The following PCSK5 variants were observed in gnomAD, a reference collection of about 807,000 sequenced individuals.
The protein encoded by PCSK5 is proprotein convertase subtilisin/kexin type 5.
In PCSK5, 129 loss-of-function variants were observed where a neutral mutation model predicts 233.2. That is an observed-to-expected ratio of 0.55 (90% CI 0.48 to 0.64). The LOEUF is 0.64. PCSK5 is among the 30% of genes least tolerant of loss of function. The pLI is 0.00. For synonymous variants in PCSK5, 825 were observed against 879.2 expected, an observed-to-expected ratio of 0.94 and a Z score of 1.09; for missense variants, 2,076 against 2,430.1, an observed-to-expected ratio of 0.85 and a Z score of 3.06.
intron 5 of PCSK5, among the ~76,000 whole-genome samples, chr9:76,032,282 G>A (rs1286297538): frequency 1.3e-5 from 2 of 152,300 alleles, no homozygotes; most frequent in East Asian, 3.9e-4. Context: ...TATTCATTAA[G>A]ACGCTGCTTG....
At chr9:76,067,050 T>C (rs2131594190) in intron 5 of PCSK5, among the ~76,000 whole-genome samples, 1 of 152,302 alleles carries the variant, frequency 6.6e-6, no homozygotes, top group East Asian at 1.9e-4. Context: ...AGTCTTGGTG[T>C]TCTTTCTCTG....
intron 8 of PCSK5, 54 bp from the exon 9 acceptor site, chr9:76,107,197 T>C: frequency 1.9e-6 from 2 of 1,042,494 alleles, no homozygotes; most frequent in Non-Finnish European, 2.9e-6. Context: ...TCTTTCTACT[T>C]GCAGGTGACT....
chr9:75,959,916 T>C (rs1400819237), intron 2 of PCSK5, among the ~76,000 whole-genome samples: 1 of 152,208 alleles, frequency 6.6e-6, no homozygotes, highest in Non-Finnish European at 1.5e-5. Context: ...TCTGTGATGG[T>C]TCCACTTAAA....
intron 20 of PCSK5, chr9:76,194,628 C>A: frequency 6.2e-6 from 2 of 324,932 alleles, no homozygotes; most frequent in South Asian, 2.5e-5. Context: ...GAAATATTTT[C>A]ACTGGTTTTC....
chr9:76,183,710 T>G (rs570250657), intron 16 of PCSK5, among the ~76,000 whole-genome samples: 4 of 152,344 alleles, frequency 2.6e-5, no homozygotes, highest in African/African-American at 9.6e-5. Context: ...AGGCTCAGAC[T>G]TGATCCAGCA....
At chr9:76,170,130 A>T (rs770478110) in intron 13 of PCSK5, among the ~76,000 whole-genome samples, 1 of 152,194 alleles carries the variant, frequency 6.6e-6, no homozygotes, top group Non-Finnish European at 1.5e-5. Flanking sequence ...CAGACTTTCT[A>T]TGTCTGTAAA....
chr9:76,230,271 C>G (rs905819427), intron 21 of PCSK5, among the ~76,000 whole-genome samples: 8 of 152,134 alleles, frequency 5.3e-5, no homozygotes, highest in African/African-American at 1.7e-4. Context: ...CATCCTCTTA[C>G]AAAAACTGGA....
At chr9:75,934,241 G>A (rs551916411) in intron 2 of PCSK5, among the ~76,000 whole-genome samples, 1 of 152,238 alleles carries the variant, frequency 6.6e-6, no homozygotes, top group South Asian at 2.1e-4. Flanking sequence ...TCAGAGTAGA[G>A]CCACAACTTA....
At chr9:76,007,721 G>C (rs1010725661) in intron 3 of PCSK5, among the ~76,000 whole-genome samples, 1 of 150,460 alleles carries the variant, frequency 6.6e-6, no homozygotes, top group Non-Finnish European at 1.5e-5. Flanking sequence ...TGACCTCCTG[G>C]GTTCAAGTGA....
rs1227189754 is a variant in PCSK5 at position 76,173,077 on chromosome 9, AT to A, written c.1757-1907del. Among the ~76,000 whole-genome samples, 3 of 152,308 alleles carry A rather than the reference AT, an allele frequency of 2.0e-5. No individual in the cohort carries two copies. In the East Asian group the frequency reaches 5.8e-4, roughly 29 times the overall value. ...TGTTTTAATACCAATCTGTCCTCTT[AT>A]TGCCTTTGAGGAAGTTACCAACCTC... On this transcript the variant is annotated intron_variant, in intron 13 of 37. Transcript: ENST00000674117.
At chr9:76,100,469 C>T (rs1197460573) in intron 8 of PCSK5, among the ~76,000 whole-genome samples, 1 of 152,196 alleles carries the variant, frequency 6.6e-6, no homozygotes, top group Non-Finnish European at 1.5e-5. Context: ...CATGGTGTCC[C>T]CACTTTTTAC....
At position 76,323,227 on chromosome 9, in the gene PCSK5, A is replaced by G; in HGVS notation, c.4278A>G (p.Gly1426=). ...CLESSWVLYD[G]LCLEECPAGT... ...AGAGTTCCTGGGTCCTCTATGATGGACTGTGCTTGGAGGAGTGTCCAGCAG... is the reference window on the plus strand; with the variant it reads ...AGAGTTCCTGGGTCCTCTATGATGGGCTGTGCTTGGAGGAGTGTCCAGCAG... Residue 1426 remains glycine, a synonymous_variant, in exon 32 of 38, where the codon GGA becomes GGG. Transcript: ENST00000674117. The G allele has an allele frequency of 6.2e-7, 1 of 1,612,746 alleles. No individual in the cohort carries two copies. The highest frequency in any genetic ancestry group is 8.5e-7 in the Non-Finnish European group (1 of 1,179,838).
intron 7 of PCSK5, among the ~76,000 whole-genome samples, chr9:76,077,798 A>G (rs896542662): frequency 6.6e-6 from 1 of 152,196 alleles, no homozygotes; most frequent in Non-Finnish European, 1.5e-5. Context: ...TCTTTATCCA[A>G]TCCACCATTG....
At chr9:76,266,480 C>T (rs1170195707) in intron 24 of PCSK5, among the ~76,000 whole-genome samples, 1 of 152,100 alleles carries the variant, frequency 6.6e-6, no homozygotes, top group African/African-American at 2.4e-5. Flanking sequence ...GCCCTTTCAT[C>T]TTTCATAACA....
chr9:76,293,781 C>T (rs969103048), intron 25 of PCSK5, among the ~76,000 whole-genome samples: 3 of 152,188 alleles, frequency 2.0e-5, no homozygotes, highest in African/African-American at 7.2e-5. Flanking sequence ...AAACAAATAC[C>T]CTGGAAGAAC....
intron 20 of PCSK5, among the ~76,000 whole-genome samples, chr9:76,190,079 C>T (rs1354080806): frequency 6.6e-6 from 1 of 152,120 alleles, no homozygotes; most frequent in African/African-American, 2.4e-5. Context: ...TTTCCCCACA[C>T]AGGCATAGCT....
intron 20 of PCSK5, among the ~76,000 whole-genome samples, chr9:76,226,783 T>C (rs1825908089): frequency 2.6e-5 from 4 of 152,282 alleles, no homozygotes; most frequent in Admixed American, 2.6e-4. Context: ...TTTGAGTCTA[T>C]GAGATTTACT....
At chr9:76,091,534 G>A (rs775404263) in intron 7 of PCSK5, among the ~76,000 whole-genome samples, 2 of 152,144 alleles carry the variant, frequency 1.3e-5, no homozygotes, top group South Asian at 4.1e-4. Context: ...CTTCGGGACT[G>A]TTCTGGTGTC....
rs772489596 is a variant in PCSK5, at chr9:76,068,031, G to A, written c.709G>A (p.Ala237Thr). 1.2e-6 allele frequency: 2 copies of A among 1,613,140 alleles called. No individual in the cohort carries two copies. The highest frequency in any genetic ancestry group is 1.7e-6 in the Non-Finnish European group (2 of 1,179,164). The change falls in exon 6 of 38, where the codon GCC becomes ACC. Residue 237 changes from alanine (A) to threonine (T), a missense_variant. By Grantham distance (58) the Ala-to-Thr change is moderately conservative (BLOSUM62 0). Transcript: ENST00000674117. ...CTGCACAGTCGGAATTGCTTTCAAC[G>A]CCAAGATCGGAGGTATGGGAAACCA... ...SHCTVGIAFN[A>T]KIGGVRMLDG...
Sources: gnomAD v4.1 joint callset for allele counts (sites outside exome capture counted in the v4.1 genomes callset) on GRCh38, gnomAD v4.1.1 for gene constraint, MANE v1.5 for transcripts, NCBI Gene and HGNC (gene_info 2026-07-23, HGNC 2026-07-21) for gene names.